Variants in LONP1 observed in about 807,000 individuals in gnomAD.
LONP1 encodes the protein lon peptidase 1, mitochondrial, also known as lon protease homolog, mitochondrial.
Under a neutral mutation model 98.5 loss-of-function variants are expected in LONP1, and 31 were observed. The observed-to-expected ratio is 0.31, with a 90% CI of 0.24 to 0.42. The LOEUF (loss-of-function observed/expected upper bound fraction) is 0.42. Ranked by LOEUF, LONP1 falls within the 20% of genes least tolerant of loss-of-function variation. LONP1 has a pLI of 1.00. For missense variants in LONP1, 1,336 were observed against 1,350.6 expected (o/e 0.99, Z 0.17); for synonymous variants, 781 against 594.7 (o/e 1.31, Z -4.56).
At chr19:5,710,912 G>T (rs928216359) in intron 4 of LONP1, among the ~76,000 whole-genome samples, 3 of 152,090 alleles carry the variant, frequency 2.0e-5, no homozygotes, top group Non-Finnish European at 2.9e-5. Flanking sequence ...TGCAATCCCA[G>T]TTACTTGGGA....
intron 1 of LONP1, among the ~76,000 whole-genome samples, chr19:5,714,618 CTTTTTTT>C (rs369231779): frequency 1.6e-5 from 2 of 127,860 alleles, no homozygotes; most frequent in Non-Finnish European, 3.2e-5. Context: ...GGTAGCTTTT[CTTTTTTT>C]TTTTTTTTTC....
At chr19:5,705,175 A>G (rs1034613097) in intron 8 of LONP1, among the ~76,000 whole-genome samples, 33 of 146,814 alleles carry the variant, frequency 2.2e-4, no homozygotes, top group African/African-American at 8.1e-4. Flanking sequence ...AAAAAAAAAA[A>G]GCCAGGCATG....
chr19:5,691,976 T>TCAGTTCTGGCACAGACAGGGCCTGACATC lies in LONP1; in HGVS notation c.*55_*56insGATGTCAGGCCCTGTCTGTGCCAGAACTG. On this transcript the variant is annotated 3_prime_UTR_variant, in exon 18 of 18. Transcript: ENST00000360614. ...GGTCCGGGCGCGCTCCCCACAGCGC[T>TCAGTTCTGGCACAGACAGGGCCTGACATC]CAGTTCTGGCCCAGACAGGGCCTGA... 1 of 1,536,482 alleles carries TCAGTTCTGGCACAGACAGGGCCTGACATC rather than the reference T, an allele frequency of 6.5e-7. No individual in the cohort carries two copies. Among genetic ancestry groups the TCAGTTCTGGCACAGACAGGGCCTGACATC allele is most frequent in the Admixed American group, 1.9e-5 (1 of 52,598 alleles).
At chr19:5,707,864 T>TC in intron 5 of LONP1, 38 bp from the exon 6 acceptor site, 1 of 1,608,486 alleles carries the variant, frequency 6.2e-7, no homozygotes, top group South Asian at 1.1e-5. Flanking sequence ...GGCCAGGGCC[T>TC]CACGCTCTGC....
intron 9 of LONP1, among the ~76,000 whole-genome samples, chr19:5,699,719 G>A (rs1057159188): frequency 6.6e-6 from 1 of 151,338 alleles, no homozygotes; most frequent in Non-Finnish European, 1.5e-5. Context: ...CACCATGCCT[G>A]GCTACTTTTT....
At position 5,692,118 on chromosome 19, in the gene LONP1, C is replaced by T; in HGVS notation, c.2794G>A (p.Glu932Lys). 4 of 1,614,190 alleles carry T rather than the reference C, an allele frequency of 2.5e-6. No homozygotes were observed. Among genetic ancestry groups the T allele is most frequent in the Non-Finnish European group, 2.5e-6 (3 of 1,180,014 alleles). ...DLAAFITEGL[E>K]VHFVEHYREI... Reference sequence around the variant, plus strand: ...CGGTAGTGTTCCACGAAGTGCACCTCCAGGCCCTCGGTGATGAAGGCTGCC... The same window carrying T: ...CGGTAGTGTTCCACGAAGTGCACCTTCAGGCCCTCGGTGATGAAGGCTGCC... Residue 932 changes from glutamate (E) to lysine (K), a missense_variant, in exon 18 of 18, where the codon GAG (glutamate) becomes AAG (lysine). Glu to Lys is a moderately conservative substitution (Grantham distance 56). Coordinates refer to ENST00000360614, the MANE Select transcript of LONP1 (RefSeq NM_004793.4).
intron 1 of LONP1, among the ~76,000 whole-genome samples, chr19:5,716,555 A>AT (rs1423242540): frequency 3.8e-4 from 54 of 142,854 alleles, no homozygotes; most frequent in Admixed American, 4.9e-4. Context: ...TAGATACATA[A>AT]TTTTTTTTTT....
At chr19:5,709,433 G>T (rs1216553446) in intron 4 of LONP1, among the ~76,000 whole-genome samples, 1 of 151,998 alleles carries the variant, frequency 6.6e-6, no homozygotes, top group Non-Finnish European at 1.5e-5. Flanking sequence ...CCCAGGAGGC[G>T]GAGGTTGCCA....
intron 9 of LONP1, 64 bp from the exon 10 acceptor site, chr19:5,699,269 C>A: frequency 7.5e-7 from 1 of 1,325,360 alleles, no homozygotes. Context: ...GCGCATGACT[C>A]TCGCCACCTG....
At chr19:5,720,240 A>G (rs1368390754), upstream of LONP1, 7 of 1,363,534 alleles carry the variant, frequency 5.1e-6, no homozygotes, top group Non-Finnish European at 6.6e-6. Flanking sequence ...GTGGCTCGAA[A>G]CAGCCGCTTC....
chr19:5,702,178 C>A (rs1384281525), intron 8 of LONP1, among the ~76,000 whole-genome samples: 1 of 150,570 alleles, frequency 6.6e-6, no homozygotes, highest in Non-Finnish European at 1.5e-5. Context: ...TCTGCCCGGC[C>A]AGCCGCCCCC....
chr19:5,699,884 C>A (rs1391860783), intron 9 of LONP1, among the ~76,000 whole-genome samples: 1 of 151,904 alleles, frequency 6.6e-6, no homozygotes, highest in East Asian at 1.9e-4. Context: ...TAACCTTTGA[C>A]TCCCACCTGC....
Position 5,692,031 on chromosome 19 carries a change from G to C in LONP1, c.*1C>G. 1 of 1,303,058 alleles carries C rather than the reference G, an allele frequency of 7.7e-7. No homozygotes were observed. The highest frequency in any genetic ancestry group is 1.3e-5 in the South Asian group (1 of 77,420). 80.7% of individuals were successfully genotyped at this position (1,303,058 alleles called of 1,614,324 possible). ...CGCCGCCTGCAGTCCCGGGGTGGCCGTCACCGTTCCACGGCCAGCGCCTCT... is the reference window on the plus strand; with the variant it reads ...CGCCGCCTGCAGTCCCGGGGTGGCCCTCACCGTTCCACGGCCAGCGCCTCT... On this transcript the variant is annotated 3_prime_UTR_variant, in exon 18 of 18. Transcript: ENST00000360614.
At chr19:5,701,925 C>T (rs534512964) in intron 8 of LONP1, among the ~76,000 whole-genome samples, 19 of 150,566 alleles carry the variant, frequency 1.3e-4, no homozygotes, top group South Asian at 4.2e-4. Context: ...ATATGAGGAG[C>T]GCCTCTGCCC....
intron 17 of LONP1, 139 bp downstream of exon 17, chr19:5,693,152 GCCAGCTC>G: frequency 1.0e-6 from 1 of 986,592 alleles, no homozygotes; most frequent in South Asian, 1.7e-5. Context: ...TGAGCTTAAG[GCCAGCTC>G]CAGGCCAGAG....
At chr19:5,720,197 C>G, upstream of LONP1, 1 of 1,384,040 alleles carries the variant, frequency 7.2e-7, no homozygotes, top group Non-Finnish European at 9.3e-7. Flanking sequence ...ACGCACGTGA[C>G]GCCCGGCGCG....
Position 5,694,687 on chromosome 19 carries a change from A to G in LONP1, c.2154+74T>C, listed in dbSNP as rs143649534. 1.1e-3 allele frequency: 1,591 copies of G among 1,486,480 alleles called. 6 individuals carry two copies. Among genetic ancestry groups the G allele is most frequent in the African/African-American group, 0.01 (753 of 72,816 alleles). 92.1% of individuals were successfully genotyped at this position (1,486,480 alleles called of 1,614,324 possible). A position where few individuals can be genotyped will look rare whatever the true frequency, so the allele number is the denominator to read the frequency against. The stretch of plus-strand genomic sequence containing the variant: ...GGCGCAGGAAAGTGGGATGATGGGC[A>G]TGGAAAGGTGGGGTGATCAGCGTGG... On this transcript the variant is annotated intron_variant, in intron 14 of 17. Coordinates refer to ENST00000360614, the MANE Select transcript of LONP1 (RefSeq NM_004793.4).
chr19:5,718,477 CAAA>C (rs368724850), intron 1 of LONP1, among the ~76,000 whole-genome samples: 5 of 100,988 alleles, frequency 5.0e-5, no homozygotes, highest in Admixed American at 2.1e-4. Flanking sequence ...AACTTGGTCT[CAAA>C]AAAAAAAAAA....
At chr19:5,697,021 T>C (rs1449209860) in intron 10 of LONP1, among the ~76,000 whole-genome samples, 3 of 152,076 alleles carry the variant, frequency 2.0e-5, no homozygotes, top group African/African-American at 7.2e-5. Flanking sequence ...GCTGACACCA[T>C]GGTGAAAGCC....
Sources: allele counts gnomAD v4.1 joint callset (sites outside exome capture counted in the v4.1 genomes callset), GRCh38; gene constraint gnomAD v4.1.1; transcripts MANE v1.5; gene names NCBI Gene and HGNC (gene_info 2026-07-23, HGNC 2026-07-21).